The following CLCN7 variants were observed in gnomAD, a reference collection of about 807,000 sequenced individuals.
CLCN7 encodes H(+)/Cl(-) exchange transporter 7.
Under a neutral mutation model 102.1 loss-of-function variants are expected in CLCN7, and 60 were observed. That is an observed-to-expected ratio of 0.59 (90% CI 0.48 to 0.73). The LOEUF (loss-of-function observed/expected upper bound fraction) is 0.73. Among genes scored for constraint, CLCN7 ranks in the 30% least tolerant of loss-of-function variants. The pLI is 0.00. For synonymous variants in CLCN7, 560 were observed against 490.5 expected (o/e 1.14, Z -1.87); for missense variants, 962 against 1,125.7 (o/e 0.85, Z 2.08).
Position 1,460,432 on chromosome 16 carries a change from C to T in CLCN7, c.580G>A (p.Val194Met), listed in dbSNP as rs760492474. 54 of 1,613,418 alleles carry T rather than the reference C, an allele frequency of 3.3e-5. No homozygotes were observed. Among genetic ancestry groups the T allele is most frequent in the Non-Finnish European group, 4.6e-5 (54 of 1,179,648 alleles). Residue 194 changes from valine (V) to methionine (M), a missense_variant, in exon 6 of 25, where the codon GTG becomes ATG. By Grantham distance (21) the Val-to-Met change is conservative. This residue lies in a region of CLCN7 where 799 missense variants were observed against 988.0 expected (regional missense o/e 0.81). Coordinates refer to ENST00000382745, the MANE Select transcript of CLCN7 (RefSeq NM_001287.6). ...CTGCCACCCACCTCTATGAAAGCCA[C>T]AATCACAGAGCCCACGAGCACGAAG... ...AAFVLVGSVI[V>M]AFIEPVAAGS...
At chr16:1,468,574 T>C (rs544771800) in intron 1 of CLCN7, among the ~76,000 whole-genome samples, 2 of 152,244 alleles carry the variant, frequency 1.3e-5, no homozygotes, top group African/African-American at 4.8e-5. Context: ...CACGGCAACC[T>C]ACACGGTCCC....
intron 14 of CLCN7, among the ~76,000 whole-genome samples, chr16:1,453,120 G>C (rs1386850719): frequency 6.6e-6 from 1 of 152,152 alleles, no homozygotes; most frequent in Non-Finnish European, 1.5e-5. Context: ...CAATTGTCTT[G>C]CCTCAGCCTC....
intron 1 of CLCN7, among the ~76,000 whole-genome samples, 197 bp from the exon 2 acceptor site, chr16:1,465,535 C>T (rs1163854432): frequency 6.6e-6 from 1 of 152,162 alleles, no homozygotes; most frequent in African/African-American, 2.4e-5. Flanking sequence ...AGAACTGATC[C>T]GGCTGCCCCT....
chr16:1,474,580 G>C (rs562092865), intron 1 of CLCN7, among the ~76,000 whole-genome samples: 1 of 152,190 alleles, frequency 6.6e-6, no homozygotes, highest in African/African-American at 2.4e-5. Flanking sequence ...ACATTCCGCG[G>C]GGTCTGGCGA....
intron 4 of CLCN7, among the ~76,000 whole-genome samples, 191 bp from the exon 5 acceptor site, chr16:1,461,139 G>T (rs1281755425): frequency 6.6e-6 from 1 of 152,342 alleles, no homozygotes; most frequent in South Asian, 2.1e-4. Context: ...GTGACTCGGG[G>T]AGGTGGGTGA....
chr16:1,447,441 G>A lies in CLCN7; in HGVS notation c.2201C>T (p.Thr734Ile). Residue 734 changes from threonine (T) to isoleucine (I), a missense_variant, in exon 23 of 25, where the codon ACC (threonine) becomes ATC (isoleucine). Around this residue, in one of 2 missense-constraint regions of CLCN7, gnomAD observed 799 missense variants for 988.0 expected, o/e 0.81. Coordinates refer to ENST00000382745, the MANE Select transcript of CLCN7 (RefSeq NM_001287.6). ...GTTCATGAACTCGGAGAGGTCCATG[G>A]TGCACTCCCGCTCGTCCTGGGACAC... ...IHVSQDERECTMDLSEFMNPS... is the reference protein window; with the variant it reads ...IHVSQDERECIMDLSEFMNPS... 1.3e-6 allele frequency: 2 copies of A among 1,552,256 alleles called. No individual in the cohort carries two copies. The highest frequency in any genetic ancestry group is 1.7e-6 in the Non-Finnish European group (2 of 1,147,972).
At chr16:1,460,971 G>A (rs1288755538) in intron 4 of CLCN7, 23 bp from the exon 5 acceptor site, 2 of 1,610,172 alleles carry the variant, frequency 1.2e-6, no homozygotes, top group Admixed American at 1.7e-5. Flanking sequence ...GTCAGGGCGA[G>A]GGTCAGGCAG....
intron 2 of CLCN7, 98 bp from the exon 3 acceptor site, chr16:1,461,772 C>A (rs904525227): frequency 9.8e-7 from 1 of 1,018,440 alleles, no homozygotes; most frequent in Non-Finnish European, 1.5e-6. Context: ...CATCCCGACA[C>A]CAAGGACAAG....
chr16:1,449,233 C>A (rs2038703928), intron 18 of CLCN7, 43 bp downstream of exon 18: 2 of 1,568,022 alleles, frequency 1.3e-6, no homozygotes, highest in Non-Finnish European at 1.7e-6. Context: ...CCCCTCCAGA[C>A]CCCGTGGAGC....
At chr16:1,462,257 G>T (rs552796485) in intron 2 of CLCN7, among the ~76,000 whole-genome samples, 2 of 151,496 alleles carry the variant, frequency 1.3e-5, no homozygotes, top group African/African-American at 4.9e-5. Flanking sequence ...GGCCGGGTGC[G>T]GTGGCTCACA....
intron 15 of CLCN7, chr16:1,452,472 T>C (rs895902769): frequency 6.1e-6 from 3 of 490,430 alleles, no homozygotes; most frequent in African/African-American, 5.8e-5. Flanking sequence ...GGTGCCCCCA[T>C]AGGGCGCCTG....
chr16:1,448,757 C>T lies in CLCN7; in HGVS notation c.1807G>A (p.Asp603Asn), dbSNP rs200917404. The change falls in exon 20 of 25, where the codon GAC (aspartate) becomes AAC (asparagine). Residue 603 changes from aspartate to asparagine, a missense_variant. By Grantham distance (23) the Asp-to-Asn change is conservative. Coordinates refer to ENST00000382745, the MANE Select transcript of CLCN7 (RefSeq NM_001287.6). ...VGDVFIEGLY[D>N]MHIQLQSVPF... ...ACACTCTGCAGCTGAATGTGCATGT[C>T]GTACAGGCCCTGCGGGCGGGGCGGG... 21 of 1,612,168 alleles carry T rather than the reference C, an allele frequency of 1.3e-5. No individual in the cohort carries two copies. Among genetic ancestry groups the T allele is most frequent in the African/African-American group, 5.3e-5 (4 of 75,038 alleles).
At chr16:1,453,978 C>G in intron 13 of CLCN7, 84 bp from the exon 14 acceptor site, 2 of 1,414,100 alleles carry the variant, frequency 1.4e-6, no homozygotes, top group South Asian at 1.2e-5. Flanking sequence ...GCAGGAGAAG[C>G]TGGAGGGTTT....
intron 24 of CLCN7, 45 bp downstream of exon 24, chr16:1,446,961 G>A: frequency 6.7e-7 from 1 of 1,500,474 alleles, no homozygotes; most frequent in Non-Finnish European, 9.0e-7. Context: ...GGAGGCAGAG[G>A]GGAGCCCTGC....
chr16:1,448,647 C>T (rs757991875), intron 20 of CLCN7, 34 bp downstream of exon 20: 2 of 1,611,048 alleles, frequency 1.2e-6, no homozygotes, highest in African/African-American at 1.3e-5. Context: ...CCGCTGGACA[C>T]CCTCCCCACC....
chr16:1,458,860 G>A (rs1240026933), intron 7 of CLCN7, among the ~76,000 whole-genome samples: 1 of 152,212 alleles, frequency 6.6e-6, no homozygotes. Flanking sequence ...TGTCACACAT[G>A]CACCACGCAA....
intron 1 of CLCN7, chr16:1,474,373 A>G (rs1394676264): frequency 9.4e-5 from 33 of 352,358 alleles, no homozygotes; most frequent in South Asian, 6.2e-4. Flanking sequence ...ACTGAAAGAC[A>G]GTGACCCGGC....
In CLCN7 at chr16:1,455,184, A is replaced by G; in HGVS notation, c.1048T>C (p.Trp350Arg). The G allele has an allele frequency of 6.2e-7, 1 of 1,613,924 alleles. No individual in the cohort carries two copies. The highest frequency in any genetic ancestry group is 8.5e-7 in the Non-Finnish European group (1 of 1,179,880). The change falls in exon 12 of 25, where the codon TGG becomes CGG. Residue 350 changes from tryptophan to arginine, a missense_variant. Transcript: ENST00000382745. ...ATGAGGCCTGGGCTGGACAGGTCCC[A>G]CATGTTCCCGTGGTAAATGCTCAGA... ...FVLSIYHGNMWDLSSPGLINF... is the reference protein window; with the variant it reads ...FVLSIYHGNMRDLSSPGLINF...
intron 15 of CLCN7, 148 bp from the exon 16 acceptor site, chr16:1,451,864 C>A: frequency 1.5e-6 from 1 of 680,356 alleles, no homozygotes; most frequent in Admixed American, 2.1e-5. Context: ...TGGGTCAGGG[C>A]CACGGTCACA....
Sources: allele counts gnomAD v4.1 joint callset (sites outside exome capture counted in the v4.1 genomes callset), GRCh38; gene constraint gnomAD v4.1.1; regional missense constraint gnomAD v4.1.1; transcripts MANE v1.5; gene names NCBI Gene and HGNC (gene_info 2026-07-23, HGNC 2026-07-21).